Variants in TAF5 observed in about 807,000 individuals in gnomAD.
TAF5 encodes the protein transcription initiation factor TFIID subunit 5.
A neutral mutation model predicts 80.9 loss-of-function variants in TAF5; 20 were observed. That is an observed-to-expected ratio of 0.25 (90% CI 0.17 to 0.36). The LOEUF (loss-of-function observed/expected upper bound fraction) is 0.36. TAF5 is among the 10% of genes least tolerant of loss of function. The pLI is 1.00. For missense variants in TAF5, 863 were observed against 1,029.4 expected (o/e 0.84, Z 2.21); for synonymous variants, 388 against 406.4 (o/e 0.95, Z 0.55).
At position 103,368,268 on chromosome 10, in the gene TAF5, C is replaced by A. The variant is rs568302175; in HGVS notation, c.279C>A (p.Asp93Glu). 132 of 1,558,164 alleles carry A rather than the reference C, an allele frequency of 8.5e-5. 2 individuals carry two copies. The South Asian group carries it at 1.5e-3, about 18-fold the overall frequency. The change falls in exon 1 of 11, where the codon GAC becomes GAA. Residue 93 changes from aspartate to glutamate, a missense_variant. Physicochemically the swap from Asp to Glu is conservative, Grantham distance 45. Coordinates refer to ENST00000369839, the MANE Select transcript of TAF5 (RefSeq NM_006951.5). ...AAAPDAGAPH[D>E]RQTLLAVLQF... Reference sequence around the variant, plus strand: ...CTCCGGACGCCGGCGCTCCGCATGACCGACAGACTCTACTGGCCGTGCTGC... The same window carrying A: ...CTCCGGACGCCGGCGCTCCGCATGAACGACAGACTCTACTGGCCGTGCTGC...
Position 103,387,314 on chromosome 10 carries a change from C to T in TAF5, c.1969C>T (p.Leu657=), listed in dbSNP as rs2093399104. The T allele has an allele frequency of 6.2e-7, 1 of 1,613,996 alleles. No individual in the cohort carries two copies. The highest frequency in any genetic ancestry group is 8.5e-7 in the Non-Finnish European group (1 of 1,180,028). ...ADRTVRLWDV[L]NGNCVRIFTG... ...CAGAACTGTGCGGCTCTGGGACGTC[C>T]TGAATGGTAACTGTGTAAGGATCTT... Residue 657 remains leucine, a synonymous_variant, in exon 9 of 11, where the codon CTG becomes TTG. Coordinates refer to ENST00000369839, the MANE Select transcript of TAF5 (RefSeq NM_006951.5).
At chr10:103,381,174 C>G (rs575484866) in intron 5 of TAF5, among the ~76,000 whole-genome samples, 1 of 152,078 alleles carries the variant, frequency 6.6e-6, no homozygotes, top group African/African-American at 2.4e-5. Flanking sequence ...GACTTGAATT[C>G]CTGAGCTCAG....
intron 1 of TAF5, among the ~76,000 whole-genome samples, chr10:103,372,856 T>C (rs879900167): frequency 1.4e-4 from 20 of 147,862 alleles, no homozygotes; most frequent in Non-Finnish European, 2.8e-4. Context: ...AGATTGTGCA[T>C]TGCACTACAG....
chr10:103,370,164 T>C (rs2093355968), intron 1 of TAF5, among the ~76,000 whole-genome samples: 1 of 151,106 alleles, frequency 6.6e-6, no homozygotes. Flanking sequence ...CCCGGGAGGC[T>C]GAGGTTGCAG....
intron 1 of TAF5, among the ~76,000 whole-genome samples, chr10:103,368,871 T>TAAC (rs1476786717): frequency 6.6e-6 from 1 of 152,252 alleles, no homozygotes; most frequent in African/African-American, 2.4e-5. Flanking sequence ...CGCATGACAC[T>TAAC]AACAGTGTTT....
Position 103,378,351 on chromosome 10 carries a change from T to C in TAF5, c.914T>C (p.Phe305Ser), listed in dbSNP as rs368510312. The change falls in exon 3 of 11, where the codon TTT becomes TCT. Residue 305 changes from phenylalanine (F) to serine (S), a missense_variant. Around this residue, in one of 3 missense-constraint regions of TAF5, gnomAD observed 128 missense variants for 232.2 expected, o/e 0.55. Transcript: ENST00000369839. The surrounding 1 kb of genome is among the most constrained non-coding windows in gnomAD (Gnocchi z 4.1). ...ATGTTGGATTTTCGAACAAGTAAAT[T>C]TGTTCTGCGTATTTCCCGTGACTCG... ...ETMLDFRTSK[F>S]VLRISRDSYQ... 1 of 1,614,062 alleles carries C rather than the reference T, an allele frequency of 6.2e-7. No homozygotes were observed. Among genetic ancestry groups the C allele is most frequent in the Non-Finnish European group, 8.5e-7 (1 of 1,180,038 alleles).
In TAF5 at chr10:103,368,089, G is replaced by A; in HGVS notation, c.100G>A (p.Glu34Lys). 1.4e-6 allele frequency: 2 copies of A among 1,426,210 alleles called. No individual in the cohort carries two copies. The highest frequency in any genetic ancestry group is 1.8e-6 in the Non-Finnish European group (2 of 1,091,952). The allele number at this position is 1,426,210 out of a possible 1,614,324, so 88.3% of individuals were successfully genotyped here. A position where few individuals can be genotyped will look rare whatever the true frequency, so the allele number is the denominator to read the frequency against. Residue 34 changes from glutamate to lysine, a missense_variant, in exon 1 of 11, where the codon GAG (glutamate) becomes AAG (lysine). Transcript: ENST00000369839. The part of the protein sequence containing the change: ...LPPQAGDGAG[E>K]GSGGTTNNGP... Reference sequence around the variant, plus strand: ...TCCGCAGGCGGGGGACGGCGCAGGCGAGGGTAGCGGCGGCACTACCAACAA... The same window carrying A: ...TCCGCAGGCGGGGGACGGCGCAGGCAAGGGTAGCGGCGGCACTACCAACAA...
Position 103,378,621 on chromosome 10 carries a change from T to A in TAF5, c.1113+71T>A. 1 of 1,468,744 alleles carries A rather than the reference T, an allele frequency of 6.8e-7. No homozygotes were observed. The highest frequency in any genetic ancestry group is 9.1e-7 in the Non-Finnish European group (1 of 1,099,192). 91.0% of individuals were successfully genotyped at this position (1,468,744 alleles called of 1,614,324 possible). On this transcript the variant is annotated intron_variant, in intron 3 of 10. Transcript: ENST00000369839. The surrounding 1 kb of genome is among the most constrained non-coding windows in gnomAD (Gnocchi z 4.1). ...TTGTAGCATTTCCATCTACATAAGT[T>A]ACACATTTTTCTTATAGCTAGCTTG...
rs2133619014 is a variant in TAF5 at position 103,368,234 on chromosome 10, C to T, written c.245C>T (p.Pro82Leu). The change falls in exon 1 of 11, where the codon CCC (proline) becomes CTC (leucine). Residue 82 changes from proline (P) to leucine (L), a missense_variant. Pro to Leu is a moderately conservative substitution (Grantham distance 98). Transcript: ENST00000369839. ...GCCCCGGCGGGGGCGGCCCCGGTGC[C>T]CGCCGCTGCTCCGGACGCCGGCGCT... The part of the protein sequence containing the change: ...AAAPAGAAPV[P>L]AAAPDAGAPH... The T allele has an allele frequency of 6.9e-7, 1 of 1,455,912 alleles. No individual in the cohort carries two copies. Among genetic ancestry groups the T allele is most frequent in the Non-Finnish European group, 9.0e-7 (1 of 1,105,970 alleles). The allele number at this position is 1,455,912 out of a possible 1,614,324, so 90.2% of individuals were successfully genotyped here. A position where few individuals can be genotyped will look rare whatever the true frequency, so the allele number is the denominator to read the frequency against.
intron 1 of TAF5, among the ~76,000 whole-genome samples, chr10:103,373,141 G>C (rs2093363337): frequency 6.6e-6 from 1 of 150,812 alleles, no homozygotes. Context: ...AGGTTGCAGT[G>C]AGCCGAGATC....
At position 103,383,284 on chromosome 10, in the gene TAF5, C is replaced by A. The variant is rs1294268883; in HGVS notation, c.1581C>A (p.Ile527=). 6.2e-7 allele frequency: 1 copy of A among 1,605,790 alleles called. No individual in the cohort carries two copies. The highest frequency in any genetic ancestry group is 8.5e-7 in the Non-Finnish European group (1 of 1,177,688). Residue 527 remains isoleucine, a synonymous_variant, in exon 7 of 11, where the codon ATC becomes ATA. Coordinates refer to ENST00000369839, the MANE Select transcript of TAF5 (RefSeq NM_006951.5). Reference sequence around the variant, plus strand: ...AATCAGATGATGTCTTAGAAAGAATCATGGATGAGAAAACAGCAAGTGAGT... The same window carrying A: ...AATCAGATGATGTCTTAGAAAGAATAATGGATGAGAAAACAGCAAGTGAGT... ...DKESDDVLER[I]MDEKTASELK...
Position 103,378,218 on chromosome 10 carries a change from T to G in TAF5, c.798-17T>G. 6.2e-7 allele frequency: 1 copy of G among 1,600,594 alleles called. No individual in the cohort carries two copies. The highest frequency in any genetic ancestry group is 8.5e-7 in the Non-Finnish European group (1 of 1,172,520). ...ATGATTACATTGAAAAATGACTTTT[T>G]AAAATCACTGAAACAGGTTCCATGG... On this transcript the variant is annotated splice_polypyrimidine_tract_variant and intron_variant, in intron 2 of 10. Transcript: ENST00000369839. This position sits in a 1 kb window ranked among gnomAD's most constrained non-coding sequence, Gnocchi z 4.1.
intron 10 of TAF5, 68 bp from the exon 11 acceptor site, chr10:103,387,938 T>C (rs572882327): frequency 7.1e-7 from 1 of 1,413,320 alleles, no homozygotes; most frequent in Non-Finnish European, 9.9e-7. Flanking sequence ...ATACATAGTG[T>C]AGTGGACAAA....
rs1262653595 is a variant in TAF5, at chr10:103,387,371, A to G, written c.2007+19A>G. ...ACACAAGGTATTTTACACTCTTACT[A>G]TTCCAGCATCCAAGGTTGCTTTCAA... On this transcript the variant is annotated intron_variant, in intron 9 of 10. Transcript: ENST00000369839. The G allele has an allele frequency of 1.3e-6, 2 of 1,588,384 alleles. No individual in the cohort carries two copies. The highest frequency in any genetic ancestry group is 1.7e-6 in the Non-Finnish European group (2 of 1,169,018).
rs1318520660 is a variant in TAF5, at chr10:103,378,738, A to G, written c.1113+188A>G. Reference sequence around the variant, plus strand: ...AGTGGCGTGATCTCAGCTCACTGCAACCTCCACCTCCTGGGTTCAAGTGAT... The same window carrying G: ...AGTGGCGTGATCTCAGCTCACTGCAGCCTCCACCTCCTGGGTTCAAGTGAT... On this transcript the variant is annotated intron_variant, in intron 3 of 10. Coordinates refer to ENST00000369839, the MANE Select transcript of TAF5 (RefSeq NM_006951.5). The surrounding 1 kb of genome is among the most constrained non-coding windows in gnomAD (Gnocchi z 4.1). Among the ~76,000 whole-genome samples, 1 of 152,022 alleles carries G rather than the reference A, an allele frequency of 6.6e-6. No individual in the cohort carries two copies. The highest frequency in any genetic ancestry group is 2.4e-5 in the African/African-American group (1 of 41,376).
At chr10:103,369,943 C>A (rs954582582) in intron 1 of TAF5, among the ~76,000 whole-genome samples, 2 of 151,832 alleles carry the variant, frequency 1.3e-5, no homozygotes, top group South Asian at 4.1e-4. Context: ...TTTTTACCTT[C>A]GTATTGGCCG....
At position 103,388,378 on chromosome 10, in the gene TAF5, C is replaced by T. The variant is rs2093402932; in HGVS notation, c.*155C>T. 3.1e-6 allele frequency: 2 copies of T among 645,528 alleles called. No homozygotes were observed. Among genetic ancestry groups the T allele is most frequent in the Non-Finnish European group, 5.2e-6 (2 of 384,918 alleles). 40.0% of individuals were successfully genotyped at this position (645,528 alleles called of 1,614,324 possible). A position where few individuals can be genotyped will look rare whatever the true frequency, so the allele number is the denominator to read the frequency against. On this transcript the variant is annotated 3_prime_UTR_variant, in exon 11 of 11. Coordinates refer to ENST00000369839, the MANE Select transcript of TAF5 (RefSeq NM_006951.5). ...TGGAAAAATCTGAACAGGACAGTTC[C>T]ACGTTTCTATAGCAACCACATTTGA...
chr10:103,386,008 T>C (rs539116643), intron 8 of TAF5, among the ~76,000 whole-genome samples: 1 of 151,150 alleles, frequency 6.6e-6, no homozygotes, highest in Non-Finnish European at 1.5e-5. Flanking sequence ...ATATGAATCC[T>C]GGTTTTTAAA....
At chr10:103,386,206 AGGAGGGCAG>A (rs2093395967) in intron 8 of TAF5, among the ~76,000 whole-genome samples, 1 of 152,000 alleles carries the variant, frequency 6.6e-6, no homozygotes, top group African/African-American at 2.4e-5. Context: ...TGGGAGGCCA[AGGAGGGCAG>A]ATAACTTGAG....
Sources: allele counts gnomAD v4.1 joint callset (sites outside exome capture counted in the v4.1 genomes callset), GRCh38; gene constraint gnomAD v4.1.1; regional missense constraint gnomAD v4.1.1; non-coding constraint Gnocchi (gnomAD v3.1); transcripts MANE v1.5; gene names NCBI Gene and HGNC (gene_info 2026-07-23, HGNC 2026-07-21).